Variants in CSMD1 observed in about 807,000 individuals in gnomAD.
The protein encoded by CSMD1 is CUB and sushi domain-containing protein 1.
A neutral mutation model predicts 417.5 loss-of-function variants in CSMD1; 213 were observed. The observed-to-expected ratio is 0.51, with a 90% CI of 0.46 to 0.57. The LOEUF (loss-of-function observed/expected upper bound fraction) is 0.57. CSMD1 is among the 20% of genes least tolerant of loss of function. The probability of loss-of-function intolerance (pLI) is 0.00; values close to 1 mark genes in which losing one functional copy is unlikely to be tolerated. For missense variants in CSMD1, 6,923 were observed against 4,529.7 expected (o/e 1.53, Z -15.17); for synonymous variants, 2,862 against 1,736.8 (o/e 1.65, Z -16.11).
At chr8:3,104,014 A>T (rs1815948547) in intron 46 of CSMD1, among the ~76,000 whole-genome samples, 1 of 152,126 alleles carries the variant, frequency 6.6e-6, no homozygotes, top group Non-Finnish European at 1.5e-5. Context: ...AAGTTCTGGG[A>T]TTACAGGCAT....
At chr8:3,888,460 G>A (rs1806716758) in intron 5 of CSMD1, among the ~76,000 whole-genome samples, 1 of 152,140 alleles carries the variant, frequency 6.6e-6, no homozygotes, top group African/African-American at 2.4e-5. Context: ...TAATTAAAAA[G>A]AAGCGCCATT....
chr8:4,344,370 C>G (rs988920502), intron 3 of CSMD1, among the ~76,000 whole-genome samples: 2 of 152,004 alleles, frequency 1.3e-5, no homozygotes, highest in African/African-American at 4.8e-5. Context: ...TTTTCATACT[C>G]CCATACGCTC....
chr8:3,524,540 AGCACACACAT>A (rs1162000306), intron 10 of CSMD1, among the ~76,000 whole-genome samples: 3 of 141,536 alleles, frequency 2.1e-5, no homozygotes, highest in Non-Finnish European at 3.1e-5. Context: ...CGCACACACA[AGCACACACAT>A]GCACACACAC....
chr8:4,473,908 A>G (rs1800664347), intron 2 of CSMD1, among the ~76,000 whole-genome samples: 1 of 152,204 alleles, frequency 6.6e-6, no homozygotes, highest in African/African-American at 2.4e-5. Flanking sequence ...GTGAAAAAGA[A>G]CAAACTAATC....
At chr8:4,563,760 C>A (rs1272402711) in intron 2 of CSMD1, among the ~76,000 whole-genome samples, 2 of 152,114 alleles carry the variant, frequency 1.3e-5, no homozygotes, top group African/African-American at 2.4e-5. Context: ...CATGACTAGA[C>A]CATCGGTGCA....
intron 5 of CSMD1, among the ~76,000 whole-genome samples, chr8:3,971,106 T>C (rs1307954294): frequency 1.3e-5 from 2 of 152,172 alleles, no homozygotes; most frequent in Non-Finnish European, 2.9e-5. Flanking sequence ...TAGAACCATG[T>C]GATCCAACAT....
At chr8:3,868,184 G>C (rs1244084416) in intron 5 of CSMD1, among the ~76,000 whole-genome samples, 2 of 151,918 alleles carry the variant, frequency 1.3e-5, no homozygotes, top group Non-Finnish European at 2.9e-5. Flanking sequence ...CCAACACCTG[G>C]TGCAGTTGGA....
intron 2 of CSMD1, among the ~76,000 whole-genome samples, chr8:4,529,876 T>G (rs1452288585): frequency 7.2e-6 from 1 of 139,614 alleles, no homozygotes; most frequent in South Asian, 2.1e-4. Flanking sequence ...TGCCATTGTT[T>G]TTTTTTTTTA....
intron 1 of CSMD1, among the ~76,000 whole-genome samples, chr8:4,884,042 G>C (rs1803573648): frequency 6.6e-6 from 1 of 151,942 alleles, no homozygotes; most frequent in Non-Finnish European, 1.5e-5. Context: ...AATGTCAAAT[G>C]GTGTCTCACT....
At chr8:4,442,249 A>G (rs548768687) in intron 2 of CSMD1, among the ~76,000 whole-genome samples, 108 of 152,314 alleles carry the variant, frequency 7.1e-4, no homozygotes, top group Middle Eastern at 3.4e-3. Flanking sequence ...GCTGTTTATT[A>G]ATCTTTAAAA....
intron 3 of CSMD1, among the ~76,000 whole-genome samples, chr8:4,298,435 T>A (rs538762808): frequency 1.3e-5 from 2 of 152,162 alleles, no homozygotes; most frequent in Non-Finnish European, 2.9e-5. Flanking sequence ...TACAAAGTTG[T>A]GAATAATTCC....
intron 2 of CSMD1, among the ~76,000 whole-genome samples, chr8:4,580,473 T>C (rs76173518): frequency 0.032 from 4,866 of 152,298 alleles, 259 homozygotes; most frequent in African/African-American, 0.11. Context: ...AATTGAGGCA[T>C]AGCGAAGTTA....
chr8:4,106,601 G>C (rs1165641527), intron 3 of CSMD1, among the ~76,000 whole-genome samples: 8 of 152,122 alleles, frequency 5.3e-5, no homozygotes, highest in African/African-American at 1.7e-4. Context: ...TTAATTTTAC[G>C]AATATATTTT....
At chr8:3,802,709 C>G (rs536364520) in intron 5 of CSMD1, among the ~76,000 whole-genome samples, 1 of 152,132 alleles carries the variant, frequency 6.6e-6, no homozygotes, top group Non-Finnish European at 1.5e-5. Context: ...TAGTGCTTGA[C>G]AATTTTAATT....
intron 7 of CSMD1, among the ~76,000 whole-genome samples, chr8:3,690,761 T>G (rs1267398151): frequency 6.6e-6 from 1 of 152,234 alleles, no homozygotes; most frequent in African/African-American, 2.4e-5. Context: ...GTTTTCTTAC[T>G]TTTATAAGAT....
chr8:4,310,947 G>T (rs982402243), intron 3 of CSMD1, among the ~76,000 whole-genome samples: 1 of 152,148 alleles, frequency 6.6e-6, no homozygotes, highest in African/African-American at 2.4e-5. Context: ...CAAAACCTCA[G>T]TGAGATACTA....
At chr8:4,450,515 G>A (rs908670303) in intron 2 of CSMD1, among the ~76,000 whole-genome samples, 2 of 152,048 alleles carry the variant, frequency 1.3e-5, no homozygotes, top group South Asian at 2.1e-4. Flanking sequence ...CGGGCCTGTA[G>A]TGCCAGCTAC....
chr8:3,062,866 C>T (rs1156464562), intron 49 of CSMD1, among the ~76,000 whole-genome samples: 1 of 152,104 alleles, frequency 6.6e-6, no homozygotes, highest in Admixed American at 6.5e-5. Flanking sequence ...CTGACTTTTA[C>T]CCATCTACTT....
intron 6 of CSMD1, among the ~76,000 whole-genome samples, chr8:3,750,134 A>G (rs1274266423): frequency 6.6e-6 from 1 of 152,184 alleles, no homozygotes; most frequent in East Asian, 1.9e-4. Context: ...TAGGAACCAC[A>G]AAGGGTTTCT....
Sources: gnomAD v4.1 joint callset for allele counts (sites outside exome capture counted in the v4.1 genomes callset) on GRCh38, gnomAD v4.1.1 for gene constraint, MANE v1.5 for transcripts, NCBI Gene and HGNC (gene_info 2026-07-23, HGNC 2026-07-21) for gene names.